BRIP1: variants seen among roughly 807,000 people sequenced by gnomAD.
BRIP1 encodes the protein Fanconi anemia group J protein.
BRIP1 carries 88 observed loss-of-function variants against 119.7 expected under a neutral mutation model. The observed-to-expected ratio is 0.74, with a 90% CI of 0.62 to 0.88. The LOEUF (loss-of-function observed/expected upper bound fraction) is 0.88. Ranked by LOEUF, BRIP1 falls within the 40% of genes least tolerant of loss-of-function variation. The probability of loss-of-function intolerance (pLI) is 0.00; values close to 1 mark genes in which losing one functional copy is unlikely to be tolerated. For missense variants in BRIP1, 1,259 were observed against 1,455.4 expected, an observed-to-expected ratio of 0.87 and a Z score of 2.20; for synonymous variants, 443 against 496.5, an observed-to-expected ratio of 0.89 and a Z score of 1.43.
chr17:61,819,028 A>T (rs1025244790), intron 6 of BRIP1, among the ~76,000 whole-genome samples: 6 of 151,984 alleles, frequency 3.9e-5, no homozygotes, highest in African/African-American at 1.5e-4. Flanking sequence ...TCTACCAAAA[A>T]TACAAAAATC....
chr17:61,788,033 A>T (rs2077760193), intron 10 of BRIP1, among the ~76,000 whole-genome samples: 1 of 152,194 alleles, frequency 6.6e-6, no homozygotes, highest in Non-Finnish European at 1.5e-5. Context: ...AAATAGAAAG[A>T]AATGAGAAAG....
rs1287538931 is a variant in BRIP1 at position 61,765,379 on chromosome 17, TTATATATATA to T, written c.2097+11012_2097+11021del. Among the ~76,000 whole-genome samples the T allele has an allele frequency of 3.2e-3, 120 of 37,722 alleles. 1 individual carries two copies. The highest frequency in any genetic ancestry group is 8.0e-3 in the African/African-American group (73 of 9,076). 24.7% of individuals were successfully genotyped at this position (37,722 alleles called of 152,430 possible). On this transcript the variant is annotated intron_variant, in intron 14 of 19. Transcript: ENST00000259008. Reference sequence around the variant, plus strand: ...ATGTGTGTGTGTGTGTGTGTATATATTATATATATATATATATATATATATATATATATAT... The same window carrying T: ...ATGTGTGTGTGTGTGTGTGTATATATTATATATATATATATATATATATAT...
Position 61,801,273 on chromosome 17 carries a change from CTAGAAGA to C in BRIP1, c.1113_1119del (p.Tyr371Ter). On this transcript the variant is annotated frameshift_variant, in exon 8 of 20. Coordinates refer to ENST00000259008, the MANE Select transcript of BRIP1 (RefSeq NM_032043.3). LOFTEE classifies it high-confidence loss of function. The stretch of plus-strand genomic sequence containing the variant: ...CTCACACTTTCCCTTATTTGTGCAT[CTAGAAGA>C]TAGTTGTAGGGACAAAATATGATGT... 1 of 1,613,436 alleles carries C rather than the reference CTAGAAGA, an allele frequency of 6.2e-7. No individual in the cohort carries two copies. Among genetic ancestry groups the C allele is most frequent in the Non-Finnish European group, 8.5e-7 (1 of 1,179,404 alleles).
At chr17:61,692,526 A>G (rs2061462701) in intron 18 of BRIP1, among the ~76,000 whole-genome samples, 1 of 152,190 alleles carries the variant, frequency 6.6e-6, no homozygotes, top group Non-Finnish European at 1.5e-5. Context: ...AGAAATCCAA[A>G]TAACCCAATT....
At position 61,755,310 on chromosome 17, in the gene BRIP1, A is replaced by C. The variant is rs1277170053; in HGVS notation, c.2098-10719T>G. ...TGCAGTGGCCCACACCTGTAATCCC[A>C]GCACTTTGAGATGCTGAGGCTGGAG... On this transcript the variant is annotated intron_variant, in intron 14 of 19. Coordinates refer to ENST00000259008, the MANE Select transcript of BRIP1 (RefSeq NM_032043.3). This position sits in a 1 kb window ranked among gnomAD's most constrained non-coding sequence, Gnocchi z 4.5. Among the ~76,000 whole-genome samples, 1 of 152,176 alleles carries C rather than the reference A, an allele frequency of 6.6e-6. No homozygotes were observed. The highest frequency in any genetic ancestry group is 1.5e-5 in the Non-Finnish European group (1 of 68,030).
rs1304102725 is a variant in BRIP1 at position 61,681,603 on chromosome 17, A to G, written c.*1693T>C. On this transcript the variant is annotated 3_prime_UTR_variant, in exon 20 of 20. Transcript: ENST00000259008. The surrounding 1 kb of genome is among the most constrained non-coding windows in gnomAD (Gnocchi z 5.1). Reference sequence around the variant, plus strand: ...AGGAGATAAATTGTTTCACCCTTTCAAAACAATGTAAAAATTACCTTCTAA... The same window carrying G: ...AGGAGATAAATTGTTTCACCCTTTCGAAACAATGTAAAAATTACCTTCTAA... The G allele has an allele frequency of 1.5e-5, 3 of 200,232 alleles. No homozygotes were observed. The highest frequency in any genetic ancestry group is 3.1e-5 in the Non-Finnish European group (3 of 97,084). 12.4% of individuals were successfully genotyped at this position (200,232 alleles called of 1,614,324 possible).
rs1467447961 is a variant in BRIP1, at chr17:61,726,813, A to C, written c.2380-10750T>G. Among the ~76,000 whole-genome samples the C allele has an allele frequency of 6.6e-6, 1 of 152,204 alleles. No homozygotes were observed. The highest frequency in any genetic ancestry group is 1.5e-5 in the Non-Finnish European group (1 of 68,028). ...CAACTTATGAAGTGTTTTTGAAAGC[A>C]TAACTATATAAAATATGCTAGTGGT... is the stretch of plus-strand genomic sequence containing the variant. On this transcript the variant is annotated intron_variant, in intron 16 of 19. Transcript: ENST00000259008. The surrounding 1 kb of genome is among the most constrained non-coding windows in gnomAD (Gnocchi z 6.2).
At chr17:61,766,032 G>A (rs2077368977) in intron 14 of BRIP1, among the ~76,000 whole-genome samples, 2 of 151,812 alleles carry the variant, frequency 1.3e-5, no homozygotes, top group Admixed American at 6.6e-5. Context: ...CATAAATATA[G>A]GTATACCAAT....
In BRIP1 at chr17:61,683,142, C is replaced by A. The variant is rs1031040909; in HGVS notation, c.*154G>T. On this transcript the variant is annotated 3_prime_UTR_variant, in exon 20 of 20. Transcript: ENST00000259008. This position sits in a 1 kb window ranked among gnomAD's most constrained non-coding sequence, Gnocchi z 4.7. ...CAAGACTCTGTCTCAAAAAAAAAAA[C>A]CCAAAAACTCAAGAATAATAACATT... 5.3e-5 allele frequency: 52 copies of A among 975,974 alleles called. No homozygotes were observed. Among genetic ancestry groups the A allele is most frequent in the African/African-American group, 6.7e-5 (4 of 59,412 alleles). The allele number at this position is 975,974 out of a possible 1,614,324, so 60.5% of individuals were successfully genotyped here.
Position 61,717,431 on chromosome 17 carries a change from G to T in BRIP1, c.2380-1368C>A, listed in dbSNP as rs1401986576. Among the ~76,000 whole-genome samples the T allele has an allele frequency of 1.3e-5, 2 of 152,032 alleles. No individual in the cohort carries two copies. The highest frequency in any genetic ancestry group is 4.8e-5 in the African/African-American group (2 of 41,418). On this transcript the variant is annotated intron_variant, in intron 16 of 19. Transcript: ENST00000259008. This position sits in a 1 kb window ranked among gnomAD's most constrained non-coding sequence, Gnocchi z 4.1. ...TTAGTAGTGCACGTTTGCTAGCAAT[G>T]AGTTCTTTCAACTTTTCTTTTTCTG... is the stretch of plus-strand genomic sequence containing the variant.
In BRIP1 at chr17:61,832,950, C is replaced by G. The variant is rs2078514820; in HGVS notation, c.627+14151G>C. On this transcript the variant is annotated intron_variant, in intron 6 of 19. Coordinates refer to ENST00000259008, the MANE Select transcript of BRIP1 (RefSeq NM_032043.3). This position sits in a 1 kb window ranked among gnomAD's most constrained non-coding sequence, Gnocchi z 5.5. The stretch of plus-strand genomic sequence containing the variant: ...GGCAACAACATACTCTTAAATGGCT[C>G]AATAAAAAAAGATATTTGGATTGTA... 1.3e-5 allele frequency among the ~76,000 whole-genome samples: 2 copies of G among 151,938 alleles called. No individual in the cohort carries two copies. The highest frequency in any genetic ancestry group is 2.9e-5 in the Non-Finnish European group (2 of 67,972).
Position 61,761,477 on chromosome 17 carries a change from T to C in BRIP1, c.2097+14924A>G, listed in dbSNP as rs918219331. Among the ~76,000 whole-genome samples, 1 of 152,000 alleles carries C rather than the reference T, an allele frequency of 6.6e-6. No homozygotes were observed. Among genetic ancestry groups the C allele is most frequent in the Non-Finnish European group, 1.5e-5 (1 of 67,958 alleles). On this transcript the variant is annotated intron_variant, in intron 14 of 19. Transcript: ENST00000259008. This position sits in a 1 kb window ranked among gnomAD's most constrained non-coding sequence, Gnocchi z 6.4. ...AAGAAAAAAGTGAAACTGCCCCTGT[T>C]TGCTGAAGACATAATCTTATATATA...
intron 6 of BRIP1, among the ~76,000 whole-genome samples, chr17:61,819,643 CA>C (rs2078291182): frequency 6.6e-6 from 1 of 152,112 alleles, no homozygotes; most frequent in African/African-American, 2.4e-5. Flanking sequence ...ACAAACTTTG[CA>C]TGTTCTCACT....
rs1416878148 is a variant in BRIP1 at position 61,681,649 on chromosome 17, G to A, written c.*1647C>T. On this transcript the variant is annotated 3_prime_UTR_variant, in exon 20 of 20. Coordinates refer to ENST00000259008, the MANE Select transcript of BRIP1 (RefSeq NM_032043.3). The surrounding 1 kb of genome is among the most constrained non-coding windows in gnomAD (Gnocchi z 5.1). ...TCTAATCGAGTATTTGGTATTTACT[G>A]CTCAATGATCAACTAGAAAAAATAT... 1 of 198,828 alleles carries A rather than the reference G, an allele frequency of 5.0e-6. No individual in the cohort carries two copies. The highest frequency in any genetic ancestry group is 1.0e-5 in the Non-Finnish European group (1 of 96,192). The allele number at this position is 198,828 out of a possible 1,614,324, so 12.3% of individuals were successfully genotyped here.
chr17:61,683,287 TAAG>T lies in BRIP1; in HGVS notation c.*6_*8del. 1 of 1,603,982 alleles carries T rather than the reference TAAG, an allele frequency of 6.2e-7. No homozygotes were observed. The highest frequency in any genetic ancestry group is 2.2e-5 in the East Asian group (1 of 44,736). ...ACATATTTTTACTTAGCTTGAGAGT[TAAG>T]TATTATTACTTAAAACCAGGAAACA... On this transcript the variant is annotated 3_prime_UTR_variant, in exon 20 of 20. Transcript: ENST00000259008. This position sits in a 1 kb window ranked among gnomAD's most constrained non-coding sequence, Gnocchi z 4.7.
rs534762477 is a variant in BRIP1, at chr17:61,702,820, C to A, written c.2493-9308G>T. On this transcript the variant is annotated intron_variant, in intron 17 of 19. Coordinates refer to ENST00000259008, the MANE Select transcript of BRIP1 (RefSeq NM_032043.3). The stretch of plus-strand genomic sequence containing the variant: ...TGACTCACATTCCTTTGGGTATACA[C>A]CCAATAATGGAATTGTTGGGTTGAA... 6.6e-5 allele frequency among the ~76,000 whole-genome samples: 10 copies of A among 150,430 alleles called. No individual in the cohort carries two copies. In the South Asian group the frequency reaches 2.1e-3, roughly 32 times the overall value.
rs953359077 is a variant in BRIP1, at chr17:61,754,162, G to T, written c.2098-9571C>A. Among the ~76,000 whole-genome samples the T allele has an allele frequency of 5.9e-5, 9 of 151,994 alleles. No individual in the cohort carries two copies. Among genetic ancestry groups the T allele is most frequent in the Non-Finnish European group, 1.2e-4 (8 of 68,018 alleles). On this transcript the variant is annotated intron_variant, in intron 14 of 19. Transcript: ENST00000259008. This position sits in a 1 kb window ranked among gnomAD's most constrained non-coding sequence, Gnocchi z 4.1. ...AAAACTAAGTTTAAACCCTCCAATGGCTTCCTACTGCATTTAGAACAAAAT... is the reference window on the plus strand; with the variant it reads ...AAAACTAAGTTTAAACCCTCCAATGTCTTCCTACTGCATTTAGAACAAAAT...
Position 61,693,765 on chromosome 17 carries a change from T to C in BRIP1, c.2493-253A>G, listed in dbSNP as rs1480043230. Among the ~76,000 whole-genome samples, 10 of 152,290 alleles carry C rather than the reference T, an allele frequency of 6.6e-5. No homozygotes were observed. Among genetic ancestry groups the C allele is most frequent in the Non-Finnish European group, 1.2e-4 (8 of 67,998 alleles). ...TTTTATTTTGCACTCAAGAAAATTA[T>C]AGAAAATATATTCTAAGATCTTTCT... On this transcript the variant is annotated intron_variant, in intron 17 of 19. Coordinates refer to ENST00000259008, the MANE Select transcript of BRIP1 (RefSeq NM_032043.3). This position sits in a 1 kb window ranked among gnomAD's most constrained non-coding sequence, Gnocchi z 4.2.
chr17:61,787,825 T>C (rs1403608303), intron 10 of BRIP1, among the ~76,000 whole-genome samples: 2 of 152,058 alleles, frequency 1.3e-5, no homozygotes, highest in Non-Finnish European at 2.9e-5. Flanking sequence ...TTTGTATTTT[T>C]AGTAGAGACG....
Sources: gnomAD v4.1 joint callset for allele counts (sites outside exome capture counted in the v4.1 genomes callset) on GRCh38, gnomAD v4.1.1 for gene constraint, Gnocchi (gnomAD v3.1) non-coding constraint, MANE v1.5 for transcripts, NCBI Gene and HGNC (gene_info 2026-07-23, HGNC 2026-07-21) for gene names.